Variants in OLFM1 observed in about 807,000 individuals in gnomAD.
OLFM1 encodes the protein noelin.
In OLFM1, 9 loss-of-function variants were observed where a neutral mutation model predicts 49.7. The observed-to-expected ratio is 0.18, with a 90% confidence interval of 0.11 to 0.32. The LOEUF is 0.32. Among genes scored for constraint, OLFM1 ranks in the 10% least tolerant of loss-of-function variants. The pLI is 1.00. For synonymous variants in OLFM1, 240 were observed against 271.8 expected, an observed-to-expected ratio of 0.88 and a Z score of 1.15; for missense variants, 369 against 661.8, an observed-to-expected ratio of 0.56 and a Z score of 4.85.
At chr9:135,076,157 T>C (rs1830463177) in intron 1 of OLFM1, 1 of 1,549,914 alleles carries the variant, frequency 6.5e-7, no homozygotes, top group Non-Finnish European at 8.7e-7. Context: ...GAGAGCCGGA[T>C]AGCCAAGACC....
intron 3 of OLFM1, among the ~76,000 whole-genome samples, chr9:135,097,427 G>A (rs971647470): frequency 8.5e-5 from 13 of 152,240 alleles, no homozygotes; most frequent in African/African-American, 2.6e-4. Flanking sequence ...CCTTCTCTGC[G>A]GCCAGCAGAC....
rs957413151 is a variant in OLFM1, at chr9:135,117,784, A to G, written c.784-1720A>G. Reference sequence around the variant, plus strand: ...GGATTAGGGGCGAATGGCTGCACGTATACGCCTGTGTGCTCCCATCCCACC... The same window carrying G: ...GGATTAGGGGCGAATGGCTGCACGTGTACGCCTGTGTGCTCCCATCCCACC... On this transcript the variant is annotated intron_variant, in intron 5 of 5. Coordinates refer to ENST00000371793, the MANE Select transcript of OLFM1 (RefSeq NM_001282611.2). This position sits in a 1 kb window ranked among gnomAD's most constrained non-coding sequence, Gnocchi z 5.5. Among the ~76,000 whole-genome samples the G allele has an allele frequency of 1.3e-5, 2 of 152,200 alleles. No homozygotes were observed. The highest frequency in any genetic ancestry group is 2.9e-5 in the Non-Finnish European group (2 of 68,038).
rs540747739 is a variant in OLFM1, at chr9:135,110,949, G to A, written c.783+4094G>A. ...AAATAGCATCCGCTTCCCACTTCCC[G>A]GGGGCTGCATCAGAGGCATTTGGGA... On this transcript the variant is annotated intron_variant, in intron 5 of 5. Transcript: ENST00000371793. Among the ~76,000 whole-genome samples the A allele has an allele frequency of 3.9e-5, 6 of 152,306 alleles. No homozygotes were observed. In the South Asian group the frequency reaches 6.2e-4, roughly 16 times the overall value.
intron 5 of OLFM1, among the ~76,000 whole-genome samples, chr9:135,118,031 C>G (rs577467303): frequency 5.2e-4 from 79 of 152,332 alleles, no homozygotes; most frequent in Admixed American, 2.0e-3. Context: ...CTACTCTTTC[C>G]TGGCTCTCTG....
chr9:135,084,842 A>G (rs1588203105), upstream of OLFM1, among the ~76,000 whole-genome samples: 1 of 151,938 alleles, frequency 6.6e-6, no homozygotes, highest in East Asian at 1.9e-4. The surrounding 1 kb of genome is among the most constrained non-coding windows in gnomAD (Gnocchi z 4.6). Flanking sequence ...TGCGGACCTC[A>G]CTGTTCTGAC....
intron 5 of OLFM1, among the ~76,000 whole-genome samples, chr9:135,110,708 G>A (rs1189539589): frequency 6.6e-6 from 1 of 152,116 alleles, no homozygotes; most frequent in Non-Finnish European, 1.5e-5. Flanking sequence ...TTCCCCTTCA[G>A]CCTTCACTCC....
intron 2 of OLFM1, chr9:135,095,134 C>T (rs1206862185): frequency 6.6e-6 from 1 of 152,198 alleles, no homozygotes; most frequent in African/African-American, 2.4e-5. Context: ...TGAGGCTAGA[C>T]TCAATTCAGA....
In OLFM1 at chr9:135,098,395, C is replaced by T; in HGVS notation, c.566C>T (p.Thr189Met). 6.2e-7 allele frequency: 1 copy of T among 1,613,920 alleles called. No individual in the cohort carries two copies. Among genetic ancestry groups the T allele is most frequent in the Non-Finnish European group, 8.5e-7 (1 of 1,180,012 alleles). ...LQFKEEVQNL[T>M]SVLNELQEEI... Reference sequence around the variant, plus strand: ...TTTAAAGAGGAGGTCCAGAATCTGACGTCAGTGCTTAACGAGCTGCAAGAG... The same window carrying T: ...TTTAAAGAGGAGGTCCAGAATCTGATGTCAGTGCTTAACGAGCTGCAAGAG... Residue 189 changes from threonine (T) to methionine (M), a missense_variant, in exon 4 of 6, where the codon ACG (threonine) becomes ATG (methionine). Around this residue, in one of 3 missense-constraint regions of OLFM1, gnomAD observed 294 missense variants for 567.5 expected, o/e 0.52. Transcript: ENST00000371793. The surrounding 1 kb of genome is among the most constrained non-coding windows in gnomAD (Gnocchi z 5.6).
intron 5 of OLFM1, among the ~76,000 whole-genome samples, chr9:135,110,443 A>G (rs895394498): frequency 1.3e-5 from 2 of 152,196 alleles, no homozygotes; most frequent in Non-Finnish European, 2.9e-5. Context: ...ACTGTCATTT[A>G]CAAACAGCAG....
At chr9:135,105,441 C>T (rs559951665) in intron 4 of OLFM1, among the ~76,000 whole-genome samples, 3 of 152,210 alleles carry the variant, frequency 2.0e-5, no homozygotes, top group African/African-American at 7.2e-5. Flanking sequence ...CCGGCAGGGC[C>T]GGGAGCGTTC....
chr9:135,098,133 A>G lies in OLFM1; in HGVS notation c.457-153A>G, dbSNP rs1830824936. On this transcript the variant is annotated intron_variant, in intron 3 of 5. Transcript: ENST00000371793. This position sits in a 1 kb window ranked among gnomAD's most constrained non-coding sequence, Gnocchi z 5.6. ...GCTGGTGTTCTGAGGACTGTTTAAT[A>G]TGCTCTTCTAACTCATTTGGACCAG... is the stretch of plus-strand genomic sequence containing the variant. 2.1e-6 allele frequency: 3 copies of G among 1,437,556 alleles called. No homozygotes were observed. The highest frequency in any genetic ancestry group is 2.7e-6 in the Non-Finnish European group (3 of 1,099,814). 89.1% of individuals were successfully genotyped at this position (1,437,556 alleles called of 1,614,324 possible). A position where few individuals can be genotyped will look rare whatever the true frequency, so the allele number is the denominator to read the frequency against.
At chr9:135,077,476 G>A (rs138760500) in intron 1 of OLFM1, 244 of 444,376 alleles carry the variant, frequency 5.5e-4, no homozygotes, top group Admixed American at 3.6e-3. Context: ...TTGTCTCAGT[G>A]GTGAAAGTAT....
rs1830832920 is a variant in OLFM1 at position 135,098,779 on chromosome 9, TTGTGTGTGTGTGTGTGAATCGTATG to T, written c.676+283_676+307del. ...AAAAAATAGCATACCATCTGGCAGA[TTGTGTGTGTGTGTGTGAATCGTATG>T]TGTGTGTGCATTGAAGACACCAGTT... On this transcript the variant is annotated intron_variant, in intron 4 of 5. Coordinates refer to ENST00000371793, the MANE Select transcript of OLFM1 (RefSeq NM_001282611.2). The surrounding 1 kb of genome is among the most constrained non-coding windows in gnomAD (Gnocchi z 5.6). Among the ~76,000 whole-genome samples the T allele has an allele frequency of 6.6e-6, 1 of 151,454 alleles. No individual in the cohort carries two copies. The highest frequency in any genetic ancestry group is 6.6e-5 in the Admixed American group (1 of 15,200).
At chr9:135,079,355 C>T (rs1309602614) in intron 1 of OLFM1, among the ~76,000 whole-genome samples, 2 of 152,086 alleles carry the variant, frequency 1.3e-5, no homozygotes, top group Non-Finnish European at 2.9e-5. Flanking sequence ...GGTACGGTGG[C>T]TCATACCTTT....
intron 4 of OLFM1, among the ~76,000 whole-genome samples, chr9:135,101,988 T>C (rs1229584247): frequency 6.6e-6 from 1 of 152,220 alleles, no homozygotes; most frequent in African/African-American, 2.4e-5. Flanking sequence ...CAGACACCCA[T>C]AAGCACAGAC....
In OLFM1 at chr9:135,095,872, C is replaced by T; in HGVS notation, c.309C>T (p.Asn103=). Residue 103 remains asparagine, a synonymous_variant, in exon 3 of 6, where the codon AAC becomes AAT. Transcript: ENST00000371793. ...QLRQLLEKVQ[N]MSQSIEVLDR... ...TGTTGCCCTTTTGACAGGTGCAGAA[C>T]ATGTCTCAATCCATAGAGGTCTTGG... The T allele has an allele frequency of 6.2e-7, 1 of 1,613,014 alleles. No homozygotes were observed. Among genetic ancestry groups the T allele is most frequent in the South Asian group, 1.1e-5 (1 of 91,062 alleles).
At position 135,098,239 on chromosome 9, in the gene OLFM1, G is replaced by C. The variant is rs1475894105; in HGVS notation, c.457-47G>C. 2 of 1,596,070 alleles carry C rather than the reference G, an allele frequency of 1.3e-6. No homozygotes were observed. Among genetic ancestry groups the C allele is most frequent in the Admixed American group, 1.7e-5 (1 of 59,438 alleles). Reference sequence around the variant, plus strand: ...GAAGCCAGGCCAAGGCAGGGTGTGAGAGTTCTTGCATGCATCGCACTGAAC... The same window carrying C: ...GAAGCCAGGCCAAGGCAGGGTGTGACAGTTCTTGCATGCATCGCACTGAAC... On this transcript the variant is annotated intron_variant, in intron 3 of 5. Transcript: ENST00000371793. This position sits in a 1 kb window ranked among gnomAD's most constrained non-coding sequence, Gnocchi z 5.6.
At chr9:135,107,911 C>G (rs1429763177) in intron 5 of OLFM1, among the ~76,000 whole-genome samples, 1 of 152,124 alleles carries the variant, frequency 6.6e-6, no homozygotes, top group Non-Finnish European at 1.5e-5. Flanking sequence ...ACCATTTCCA[C>G]GAAATCTCTT....
Position 135,117,430 on chromosome 9 carries a change from G to T in OLFM1, c.784-2074G>T, listed in dbSNP as rs1005692568. 6.6e-6 allele frequency among the ~76,000 whole-genome samples: 1 copy of T among 152,222 alleles called. No individual in the cohort carries two copies. Among genetic ancestry groups the T allele is most frequent in the African/African-American group, 2.4e-5 (1 of 41,456 alleles). ...CAGACAGGATGACTCAGTCCGTGCC[G>T]CAGCGATGGCTTGGTGGGAGGAGAG... On this transcript the variant is annotated intron_variant, in intron 5 of 5. Coordinates refer to ENST00000371793, the MANE Select transcript of OLFM1 (RefSeq NM_001282611.2). This position sits in a 1 kb window ranked among gnomAD's most constrained non-coding sequence, Gnocchi z 5.5.
Sources: gnomAD v4.1 joint callset for allele counts (sites outside exome capture counted in the v4.1 genomes callset) on GRCh38, gnomAD v4.1.1 for gene constraint, gnomAD v4.1.1 regional missense constraint, Gnocchi (gnomAD v3.1) non-coding constraint, MANE v1.5 for transcripts, NCBI Gene and HGNC (gene_info 2026-07-23, HGNC 2026-07-21) for gene names.